The following CFHR5 variants were observed in gnomAD, a reference collection of about 807,000 sequenced individuals.
CFHR5 encodes complement factor H-related protein 5.
In CFHR5, 73 loss-of-function variants were observed where a neutral mutation model predicts 62.9. The ratio of observed to expected loss-of-function variants is 1.16; its 90% CI spans 0.96 to 1.41. The LOEUF (loss-of-function observed/expected upper bound fraction) is 1.41. CFHR5 is among the 40% of genes most tolerant of loss of function. CFHR5 has a pLI of 0.00. For missense variants in CFHR5, 779 were observed against 679.9 expected (o/e 1.15, Z -1.62); for synonymous variants, 249 against 227.2 (o/e 1.10, Z -0.86).
At chr1:196,986,260 A>C (rs2125028617) in intron 3 of CFHR5, among the ~76,000 whole-genome samples, 1 of 152,294 alleles carries the variant, frequency 6.6e-6, no homozygotes, top group South Asian at 2.1e-4. Context: ...TGCAGGGATT[A>C]GTATGGCGTC....
chr1:197,008,614 G>T lies in CFHR5; in HGVS notation c.1641G>T (p.Ala547=). ...VEFQCKFPHK[A]MISSPPFRAI... ...TCCAGTGTAAATTCCCACATAAAGC[G>T]ATGATATCATCACCACCATTTCGAG... The change falls in exon 10 of 10, where the codon GCG becomes GCT. Residue 547 remains alanine (A), a synonymous_variant. Coordinates refer to ENST00000256785, the MANE Select transcript of CFHR5 (RefSeq NM_030787.4). 1 of 1,613,830 alleles carries T rather than the reference G, an allele frequency of 6.2e-7. No individual in the cohort carries two copies. Among genetic ancestry groups the T allele is most frequent in the South Asian group, 1.1e-5 (1 of 91,082 alleles).
intron 1 of CFHR5, 65 bp from the exon 2 acceptor site, chr1:196,982,820 A>G: frequency 9.7e-6 from 14 of 1,449,736 alleles, no homozygotes; most frequent in Non-Finnish European, 1.4e-5. Context: ...TGACTAAAAT[A>G]TAATCTAGTG....
In CFHR5 at chr1:196,994,213, A is replaced by G. The variant is rs753494719; in HGVS notation, c.564A>G (p.Gln188=). The G allele has an allele frequency of 7.4e-6, 12 of 1,613,708 alleles. 1 individual carries two copies. The South Asian group carries it at 1.1e-4, about 15-fold the overall frequency. The change falls in exon 4 of 10, where the codon CAA becomes CAG. Residue 188 remains glutamine, a synonymous_variant. Transcript: ENST00000256785. ...NLIRVGSDSV[Q]CYQFGWSPNF... ...TAAGAGTTGGATCAGACTCAGTTCA[A>G]TGTTACCAATTTGGGTGGTCACCTA...
At chr1:196,994,334 T>C (rs760845759) in intron 4 of CFHR5, 78 bp downstream of exon 4, 54 of 1,148,774 alleles carry the variant, frequency 4.7e-5, no homozygotes, top group Non-Finnish European at 6.7e-5. Flanking sequence ...TTGGAGCTTA[T>C]ATTACATCTA....
At chr1:196,984,360 T>C (rs546827286) in intron 3 of CFHR5, among the ~76,000 whole-genome samples, 13 of 152,170 alleles carry the variant, frequency 8.5e-5, no homozygotes, top group Non-Finnish European at 1.5e-4. Context: ...AAGAATACAC[T>C]TTGAAGATAA....
At chr1:197,007,107 T>C (rs1436722203) in intron 9 of CFHR5, among the ~76,000 whole-genome samples, 3 of 152,046 alleles carry the variant, frequency 2.0e-5, no homozygotes, top group African/African-American at 7.2e-5. Context: ...AGTGCTGTGA[T>C]TACAGGCGTG....
Position 196,977,786 on chromosome 1 carries a change from T to C in CFHR5, c.58+64T>C, listed in dbSNP as rs1008450345. 15 of 1,147,746 alleles carry C rather than the reference T, an allele frequency of 1.3e-5. No homozygotes were observed. In the African/African-American group the frequency reaches 1.8e-4, roughly 14 times the overall value. The allele number at this position is 1,147,746 out of a possible 1,614,324, so 71.1% of individuals were successfully genotyped here. On this transcript the variant is annotated intron_variant, in intron 1 of 9. Transcript: ENST00000256785. The stretch of plus-strand genomic sequence containing the variant: ...CAAATGTATTTATTGATTGTGTGTG[T>C]GTATGCATACAAATATTTTTAAATG...
At chr1:197,001,813 C>T (rs545896530) in intron 7 of CFHR5, among the ~76,000 whole-genome samples, 44 of 151,046 alleles carry the variant, frequency 2.9e-4, no homozygotes, top group African/African-American at 1.0e-3. Context: ...AGACAGTAGC[C>T]ACCACTCTGG....
chr1:197,006,490 T>C (rs1336861921), intron 9 of CFHR5, among the ~76,000 whole-genome samples: 1 of 151,982 alleles, frequency 6.6e-6, no homozygotes, highest in Non-Finnish European at 1.5e-5. Flanking sequence ...GCAGGAAGAA[T>C]CACCTGAGGT....
chr1:196,996,967 T>C (rs767286857), intron 6 of CFHR5, among the ~76,000 whole-genome samples: 6 of 152,050 alleles, frequency 3.9e-5, no homozygotes, highest in Non-Finnish European at 8.8e-5. Context: ...ACTTAAGTAC[T>C]TGCAGGTATT....
At chr1:196,994,297 T>C (rs773149761) in intron 4 of CFHR5, 41 bp downstream of exon 4, 16 of 1,470,988 alleles carry the variant, frequency 1.1e-5, no homozygotes, top group Middle Eastern at 1.8e-4. Flanking sequence ...AGAATTTGAT[T>C]TTTATAATAA....
intron 8 of CFHR5, among the ~76,000 whole-genome samples, chr1:197,003,260 C>A (rs988252927): frequency 6.6e-6 from 1 of 152,134 alleles, no homozygotes; most frequent in Non-Finnish European, 1.5e-5. Context: ...GTAATGCTGG[C>A]AGTAATGCTC....
At chr1:196,994,021 C>T in intron 3 of CFHR5, 59 bp from the exon 4 acceptor site, 1 of 1,302,328 alleles carries the variant, frequency 7.7e-7, no homozygotes, top group Non-Finnish European at 1.1e-6. Context: ...TTATATAGCA[C>T]ACATTAAATT....
intron 1 of CFHR5, among the ~76,000 whole-genome samples, chr1:196,980,856 A>G (rs1653525075): frequency 6.6e-6 from 1 of 152,142 alleles, no homozygotes; most frequent in Admixed American, 6.5e-5. Flanking sequence ...TATTCTGGAT[A>G]GCGAAGAATA....
chr1:196,988,943 T>G (rs1653768194), intron 3 of CFHR5, among the ~76,000 whole-genome samples: 1 of 152,214 alleles, frequency 6.6e-6, no homozygotes, highest in African/African-American at 2.4e-5. Flanking sequence ...TCAGAAGGAA[T>G]GTGACCAGCT....
At chr1:196,982,848 T>C (rs1025910584) in intron 1 of CFHR5, 37 bp from the exon 2 acceptor site, 4 of 1,567,844 alleles carry the variant, frequency 2.6e-6, no homozygotes, top group Non-Finnish European at 3.5e-6. Context: ...GATGTAGCTC[T>C]TTATTTAATT....
chr1:196,984,212 G>A, intron 3 of CFHR5, 75 bp downstream of exon 3: 1 of 1,263,768 alleles, frequency 7.9e-7, no homozygotes, highest in Non-Finnish European at 1.1e-6. Context: ...ATTAAATATA[G>A]GTTAAATATA....
intron 7 of CFHR5, 53 bp from the exon 8 acceptor site, chr1:197,002,429 C>A: frequency 7.3e-7 from 1 of 1,363,708 alleles, no homozygotes; most frequent in Non-Finnish European, 1.0e-6. Flanking sequence ...CCCTATTGAG[C>A]TGTTTTTACT....
intron 8 of CFHR5, among the ~76,000 whole-genome samples, chr1:197,003,510 C>A (rs572560186): frequency 6.6e-6 from 1 of 152,272 alleles, no homozygotes; most frequent in South Asian, 2.1e-4. Context: ...TGCTACATGG[C>A]TGCATTTCAA....
Sources: allele counts gnomAD v4.1 joint callset (sites outside exome capture counted in the v4.1 genomes callset), GRCh38; gene constraint gnomAD v4.1.1; transcripts MANE v1.5; gene names NCBI Gene and HGNC (gene_info 2026-07-23, HGNC 2026-07-21).